Variants in TMC1 observed in about 807,000 individuals in gnomAD.
The protein encoded by TMC1 is transmembrane channel-like protein 1.
Under a neutral mutation model 105.8 loss-of-function variants are expected in TMC1, and 84 were observed. The observed-to-expected ratio is 0.79, with a 90% confidence interval of 0.67 to 0.95. The LOEUF is 0.95. Among genes scored for constraint, TMC1 ranks in the 40% least tolerant of loss-of-function variants. The pLI is 0.00. For missense variants in TMC1, 817 were observed against 914.1 expected (o/e 0.89, Z 1.37); for synonymous variants, 315 against 311.5 (o/e 1.01, Z -0.12).
intron 2 of TMC1, among the ~76,000 whole-genome samples, chr9:72,597,160 C>T (rs1379339843): frequency 6.6e-6 from 1 of 152,174 alleles, no homozygotes; most frequent in Non-Finnish European, 1.5e-5. Context: ...TTGTAAAATA[C>T]TTTCTAATGC....
chr9:72,787,293 A>G (rs1217439763), intron 13 of TMC1, among the ~76,000 whole-genome samples: 1 of 152,190 alleles, frequency 6.6e-6, no homozygotes, highest in East Asian at 1.9e-4. Flanking sequence ...AGATGGATGA[A>G]AGGAATAATG....
At chr9:72,779,354 G>A (rs1242730571) in intron 13 of TMC1, among the ~76,000 whole-genome samples, 1 of 152,230 alleles carries the variant, frequency 6.6e-6, no homozygotes, top group Non-Finnish European at 1.5e-5. Flanking sequence ...CAAAAAGCCG[G>A]AGTGTGTTCT....
intron 3 of TMC1, among the ~76,000 whole-genome samples, chr9:72,626,525 TAAAG>T (rs1259119872): frequency 2.6e-5 from 4 of 151,604 alleles, no homozygotes; most frequent in African/African-American, 9.7e-5. Context: ...CAGGAAGAAA[TAAAG>T]AAACATTTGC....
intron 12 of TMC1, among the ~76,000 whole-genome samples, chr9:72,758,838 G>C (rs1310904437): frequency 6.6e-6 from 1 of 152,026 alleles, no homozygotes; most frequent in Admixed American, 6.6e-5. Context: ...AATTAATGTA[G>C]ACTAAGTACT....
chr9:72,686,330 A>G (rs1337780977), intron 5 of TMC1, among the ~76,000 whole-genome samples: 4 of 152,182 alleles, frequency 2.6e-5, no homozygotes, highest in African/African-American at 9.7e-5. Context: ...CTGCTGAGAG[A>G]AGGAATGGCA....
At chr9:72,792,489 G>T in intron 17 of TMC1, 137 bp downstream of exon 17, 1 of 1,038,972 alleles carries the variant, frequency 9.6e-7, no homozygotes, top group Non-Finnish European at 1.5e-6. Flanking sequence ...ACTGTGTGCT[G>T]GCTCTGAATT....
chr9:72,700,730 A>G, intron 8 of TMC1, 87 bp downstream of exon 8: 1 of 170,874 alleles, frequency 5.9e-6, no homozygotes, highest in Non-Finnish European at 9.2e-6. Context: ...ATATATATAT[A>G]TATATATATA....
chr9:72,788,366 A>C lies in TMC1; in HGVS notation c.912A>C (p.Gly304=). The change falls in exon 14 of 24, where the codon GGA becomes GGC. Residue 304 remains glycine (G), a synonymous_variant. Transcript: ENST00000297784. ...TGACCAAAAACATTGGTGATGATGG[A>C]GGTGGAGATGACAACACTTTCAATT... ...KAMTKNIGDD[G]GGDDNTFNFS... 6.2e-7 allele frequency: 1 copy of C among 1,613,934 alleles called. No homozygotes were observed. Among genetic ancestry groups the C allele is most frequent in the Non-Finnish European group, 8.5e-7 (1 of 1,179,918 alleles).
intron 8 of TMC1, among the ~76,000 whole-genome samples, chr9:72,712,313 A>G (rs780032041): frequency 6.6e-5 from 10 of 152,110 alleles, no homozygotes; most frequent in Non-Finnish European, 1.5e-4. Context: ...AAGAAAGTCA[A>G]TGGTAGTTTG....
At chr9:72,708,669 G>C (rs1008254079) in intron 8 of TMC1, among the ~76,000 whole-genome samples, 10 of 152,088 alleles carry the variant, frequency 6.6e-5, no homozygotes, top group African/African-American at 2.2e-4. Context: ...GCTTTTTGGA[G>C]GAGTCTTCAG....
At chr9:72,753,010 A>G (rs1827606900) in intron 11 of TMC1, among the ~76,000 whole-genome samples, 1 of 152,244 alleles carries the variant, frequency 6.6e-6, no homozygotes, top group Non-Finnish European at 1.5e-5. Flanking sequence ...ATGGAGTCAC[A>G]TAATGCTGAT....
chr9:72,614,932 G>T (rs1564445872), intron 2 of TMC1, among the ~76,000 whole-genome samples: 1 of 152,204 alleles, frequency 6.6e-6, no homozygotes, highest in East Asian at 1.9e-4. Context: ...CACCCGCCTT[G>T]GCTTCCCAAT....
At chr9:72,540,494 G>A (rs1177826204) in intron 1 of TMC1, among the ~76,000 whole-genome samples, 1 of 117,472 alleles carries the variant, frequency 8.5e-6, no homozygotes, top group Non-Finnish European at 1.7e-5. Flanking sequence ...GACTTTCCTC[G>A]TTCTGACTTT....
At chr9:72,735,331 A>G (rs1827279789) in intron 8 of TMC1, among the ~76,000 whole-genome samples, 1 of 152,244 alleles carries the variant, frequency 6.6e-6, no homozygotes, top group South Asian at 2.1e-4. Flanking sequence ...TTTATCCACA[A>G]AAGCCTATTT....
chr9:72,597,285 C>T (rs1222503593), intron 2 of TMC1, among the ~76,000 whole-genome samples: 1 of 152,220 alleles, frequency 6.6e-6, no homozygotes, highest in Non-Finnish European at 1.5e-5. Context: ...GCGGCCGGAA[C>T]CATGCCCTTG....
intron 1 of TMC1, among the ~76,000 whole-genome samples, chr9:72,566,305 CA>C (rs1564414385): frequency 6.6e-6 from 1 of 152,198 alleles, no homozygotes; most frequent in Non-Finnish European, 1.5e-5. Flanking sequence ...TAAACCACTA[CA>C]ATCTTAAAAA....
At chr9:72,765,986 T>A (rs187730906) in intron 12 of TMC1, among the ~76,000 whole-genome samples, 120 of 152,290 alleles carry the variant, frequency 7.9e-4, no homozygotes, top group African/African-American at 2.2e-3. Context: ...CAAACCTGGG[T>A]TTGAATCCTG....
intron 10 of TMC1, among the ~76,000 whole-genome samples, chr9:72,744,961 A>G (rs1046164631): frequency 6.6e-6 from 1 of 151,936 alleles, no homozygotes; most frequent in African/African-American, 2.4e-5. Flanking sequence ...ACCTTCAGTT[A>G]TCTCCTCTCT....
intron 1 of TMC1, among the ~76,000 whole-genome samples, chr9:72,531,419 A>G (rs907349765): frequency 6.6e-6 from 1 of 152,208 alleles, no homozygotes; most frequent in African/African-American, 2.4e-5. Context: ...ACCAAAAAAG[A>G]TTTTAAATTA....
Sources: gnomAD v4.1 joint callset for allele counts (sites outside exome capture counted in the v4.1 genomes callset) on GRCh38, gnomAD v4.1.1 for gene constraint, MANE v1.5 for transcripts, NCBI Gene and HGNC (gene_info 2026-07-23, HGNC 2026-07-21) for gene names.